The following MAP3K15 variants were observed in gnomAD, a reference collection of about 807,000 sequenced individuals.
MAP3K15 encodes MAPK/ERK kinase kinase 15.
A neutral mutation model predicts 99.5 loss-of-function variants in MAP3K15; 124 were observed. The observed-to-expected ratio is 1.25, with a 90% CI of 1.08 to 1.45. MAP3K15 has a LOEUF of 1.45. MAP3K15 is among the 40% of genes most tolerant of loss of function. The probability of loss-of-function intolerance (pLI) is 0.00; values close to 1 mark genes in which losing one functional copy is unlikely to be tolerated. For synonymous variants in MAP3K15, 494 were observed against 439.6 expected, an observed-to-expected ratio of 1.12 and a Z score of -1.55; for missense variants, 1,242 against 1,079.7, an observed-to-expected ratio of 1.15 and a Z score of -2.11.
intron 9 of MAP3K15, among the ~76,000 whole-genome samples, chrX:19,420,295 A>G (rs1464826377): frequency 1.8e-5 from 2 of 111,833 alleles, no homozygotes; most frequent in East Asian, 5.6e-4. Flanking sequence ...ACTGCTAGCA[A>G]GACTAATAAA....
chrX:19,503,434 C>T (rs1381071309), intron 1 of MAP3K15, among the ~76,000 whole-genome samples: 4 of 111,621 alleles, frequency 3.6e-5, no homozygotes, highest in Non-Finnish European at 7.5e-5. Context: ...AAGTTATCTT[C>T]TTGTTCTTTG....
rs2063722129 is a variant in MAP3K15 at position 19,415,034 on chromosome X, T to C, written c.1590+73A>G. 4.8e-5 allele frequency: 44 copies of C among 923,837 alleles called. No homozygotes were observed. In the South Asian group the frequency reaches 1.1e-3, roughly 23 times the overall value. The allele number at this position is 923,837 out of a possible 1,213,427, so 76.1% of individuals were successfully genotyped here. A position where few individuals can be genotyped will look rare whatever the true frequency, so the allele number is the denominator to read the frequency against. On this transcript the variant is annotated intron_variant, in intron 10 of 28. Coordinates refer to ENST00000338883, the MANE Select transcript of MAP3K15 (RefSeq NM_001001671.4). ...CTACAGTTTTCTTCAGTTCAGAGTA[T>C]TCAATAGTTAAATAGCACCAATCCC...
chrX:19,488,588 C>T (rs1036960615), intron 2 of MAP3K15, among the ~76,000 whole-genome samples: 3 of 111,328 alleles, frequency 2.7e-5, no homozygotes, highest in African/African-American at 9.8e-5. Flanking sequence ...TGTTTGCCTC[C>T]ACTTCCCTAA....
intron 1 of MAP3K15, among the ~76,000 whole-genome samples, chrX:19,490,766 A>T (rs1049346967): frequency 1.1e-4 from 12 of 110,101 alleles, no homozygotes; most frequent in East Asian, 2.9e-4. Context: ...AAAAAAAAAA[A>T]AAAAATAAAA....
In MAP3K15 at chrX:19,474,417, T is replaced by C. The variant is rs189556068; in HGVS notation, c.526-10011A>G. 1.4e-4 allele frequency among the ~76,000 whole-genome samples: 15 copies of C among 108,864 alleles called. No individual in the cohort carries two copies. The East Asian group carries it at 4.3e-3, about 32-fold the overall frequency. 94.5% of individuals were successfully genotyped at this position (108,864 alleles called of 115,157 possible). ...ATCTTTAAGAGGGAGATGATAATAG[T>C]GTCAGCCTCATTAGATGATAGAGGC... On this transcript the variant is annotated intron_variant, in intron 3 of 28. Coordinates refer to ENST00000338883, the MANE Select transcript of MAP3K15 (RefSeq NM_001001671.4).
intron 22 of MAP3K15, 94 bp downstream of exon 22, chrX:19,372,559 G>A (rs2063383150): frequency 2.5e-6 from 2 of 804,066 alleles, no homozygotes; most frequent in Non-Finnish European, 3.6e-6. Flanking sequence ...ATGTTCCAGG[G>A]CGGCAGGAAC....
chrX:19,489,593 A>G (rs2064353324), intron 1 of MAP3K15, among the ~76,000 whole-genome samples: 1 of 111,166 alleles, frequency 9.0e-6, no homozygotes, highest in Non-Finnish European at 1.9e-5. Context: ...GTGCACTTAT[A>G]AAAGAGACTC....
intron 11 of MAP3K15, among the ~76,000 whole-genome samples, chrX:19,412,741 A>G (rs1481438612): frequency 9.0e-6 from 1 of 110,514 alleles, no homozygotes; most frequent in African/African-American, 3.3e-5. Context: ...ATATATTACT[A>G]TTTTATTTTT....
At chrX:19,378,173 A>G (rs1008765242) in intron 19 of MAP3K15, among the ~76,000 whole-genome samples, 1 of 112,394 alleles carries the variant, frequency 8.9e-6, no homozygotes, top group African/African-American at 3.2e-5. Context: ...AGCCAGGAAG[A>G]CGCCTCTGGA....
chrX:19,413,129 C>T (rs965618695), intron 11 of MAP3K15, among the ~76,000 whole-genome samples: 1 of 108,983 alleles, frequency 9.2e-6, no homozygotes, highest in Non-Finnish European at 1.9e-5. Context: ...CACACACACA[C>T]ACACACACAC....
At position 19,398,221 on chromosome X, in the gene MAP3K15, C is replaced by G; in HGVS notation, c.2066+5G>C. 8.3e-7 allele frequency: 1 copy of G among 1,211,444 alleles called. No individual in the cohort carries two copies. The highest frequency in any genetic ancestry group is 1.7e-5 in the African/African-American group (1 of 57,801). ...CCGAAATGCGGAAGGCCCGCCTGGA[C>G]TTGCCTGCTATCTCTCTCCGGGATT... On this transcript the variant is annotated splice_donor_5th_base_variant and intron_variant, in intron 15 of 28. Transcript: ENST00000338883.
intron 3 of MAP3K15, among the ~76,000 whole-genome samples, chrX:19,470,569 T>C (rs979903093): frequency 2.6e-4 from 27 of 102,521 alleles, no homozygotes; most frequent in Non-Finnish European, 5.0e-4. Context: ...AGAAGTGACA[T>C]CAGAGGCTGC....
At chrX:19,417,571 C>G (rs1044419745) in intron 9 of MAP3K15, among the ~76,000 whole-genome samples, 2 of 111,950 alleles carry the variant, frequency 1.8e-5, no homozygotes, top group Admixed American at 1.9e-4. Flanking sequence ...GAGCCCACCT[C>G]AGCTCAAGGA....
chrX:19,401,790 T>C (rs2063610225), intron 13 of MAP3K15, among the ~76,000 whole-genome samples: 1 of 112,302 alleles, frequency 8.9e-6, no homozygotes, highest in African/African-American at 3.2e-5. Flanking sequence ...CTTGACTCAT[T>C]AGAACATTTT....
chrX:19,407,411 G>T, intron 12 of MAP3K15, 128 bp from the exon 13 acceptor site: 1 of 382,290 alleles, frequency 2.6e-6, no homozygotes, highest in Non-Finnish European at 4.4e-6. Flanking sequence ...AACACCCCCC[G>T]AGTCTGCCTT....
intron 17 of MAP3K15, 110 bp from the exon 18 acceptor site, chrX:19,392,217 T>C: frequency 9.6e-7 from 1 of 1,040,695 alleles, no homozygotes. Flanking sequence ...AACTAGACTT[T>C]GCATTTTGGG....
At position 19,436,102 on chromosome X, in the gene MAP3K15, C is replaced by T. The variant is rs139825016; in HGVS notation, c.996-4494G>A. ...CCAGGAGGCGGAGGTTGCAGTGAACCGAGATCGCACCATTGTCCTCCAGTC... is the reference window on the plus strand; with the variant it reads ...CCAGGAGGCGGAGGTTGCAGTGAACTGAGATCGCACCATTGTCCTCCAGTC... On this transcript the variant is annotated intron_variant, in intron 6 of 28. Coordinates refer to ENST00000338883, the MANE Select transcript of MAP3K15 (RefSeq NM_001001671.4). Among the ~76,000 whole-genome samples, 850 of 106,352 alleles carry T rather than the reference C, an allele frequency of 8.0e-3. 8 individuals are homozygous for T. Among genetic ancestry groups the T allele is most frequent in the Middle Eastern group, 0.029 (6 of 208 alleles). The allele number at this position is 106,352 out of a possible 115,157, so 92.4% of individuals were successfully genotyped here.
rs779739780 is a variant in MAP3K15, at chrX:19,482,735, G to T, written c.525+3747C>A. On this transcript the variant is annotated intron_variant, in intron 3 of 28. Coordinates refer to ENST00000338883, the MANE Select transcript of MAP3K15 (RefSeq NM_001001671.4). ...ATTGAATTGTGTGTGCTTAAACTAG[G>T]TACATTTTGTGGTATGTAAATTATA... is the stretch of plus-strand genomic sequence containing the variant. Among the ~76,000 whole-genome samples the T allele has an allele frequency of 1.3e-4, 14 of 111,521 alleles. No homozygotes were observed. In the East Asian group the frequency reaches 3.9e-3, roughly 31 times the overall value.
intron 1 of MAP3K15, among the ~76,000 whole-genome samples, chrX:19,514,304 C>A (rs2064540590): frequency 9.4e-6 from 1 of 106,114 alleles, no homozygotes; most frequent in Non-Finnish European, 1.9e-5. Context: ...CCGTAAGAGA[C>A]CTTCCAGGAA....
Sources: allele counts gnomAD v4.1 joint callset (sites outside exome capture counted in the v4.1 genomes callset), GRCh38; gene constraint gnomAD v4.1.1; transcripts MANE v1.5; gene names NCBI Gene and HGNC (gene_info 2026-07-23, HGNC 2026-07-21).